HYDIN: variants seen among roughly 807,000 people sequenced by gnomAD.
HYDIN encodes HYDIN axonemal central pair apparatus protein.
HYDIN carries 132 observed loss-of-function variants against 403.9 expected under a neutral mutation model. The observed-to-expected ratio is 0.33, with a 90% confidence interval of 0.28 to 0.38. The LOEUF (loss-of-function observed/expected upper bound fraction) is 0.38, where lower values mean the gene tolerates loss of function less well. HYDIN is among the 10% of genes least tolerant of loss of function. The pLI is 1.00. For synonymous variants in HYDIN, 1,202 were observed against 1,891.7 expected, an observed-to-expected ratio of 0.64 and a Z score of 9.46; for missense variants, 2,827 against 5,009.5, an observed-to-expected ratio of 0.56 and a Z score of 13.15.
intron 7 of HYDIN, among the ~76,000 whole-genome samples, chr16:71,137,713 C>A (rs976016954): frequency 2.6e-5 from 4 of 152,204 alleles, no homozygotes; most frequent in South Asian, 4.2e-4. Flanking sequence ...TTAGCTCATG[C>A]ATGAGCTTGA....
intron 23 of HYDIN, among the ~76,000 whole-genome samples, chr16:71,010,646 A>AT (rs910123166): frequency 6.6e-6 from 1 of 152,134 alleles, no homozygotes; most frequent in African/African-American, 2.4e-5. Context: ...GCAGGGTCAC[A>AT]TGGGGCAGGT....
Position 71,151,048 on chromosome 16 carries a change from G to A in HYDIN, c.841+1611C>T, listed in dbSNP as rs1303945208. 5.9e-5 allele frequency among the ~76,000 whole-genome samples: 9 copies of A among 152,258 alleles called. No individual in the cohort carries two copies. The East Asian group carries it at 1.7e-3, about 29-fold the overall frequency. On this transcript the variant is annotated intron_variant, in intron 7 of 85. Transcript: ENST00000393567. Reference sequence around the variant, plus strand: ...AATTGACAAAACAGCACTACATGTTGGTGAGGATGTGAAGCAACTAGAACT... The same window carrying A: ...AATTGACAAAACAGCACTACATGTTAGTGAGGATGTGAAGCAACTAGAACT...
chr16:71,205,838 C>T (rs1169208574), intron 1 of HYDIN, among the ~76,000 whole-genome samples: 1 of 152,200 alleles, frequency 6.6e-6, no homozygotes, highest in East Asian at 1.9e-4. Context: ...AAGTGGACAA[C>T]TAAGTAGAGC....
chr16:70,966,045 AC>A (rs1375614646), intron 36 of HYDIN, among the ~76,000 whole-genome samples: 2 of 152,234 alleles, frequency 1.3e-5, no homozygotes, highest in Non-Finnish European at 2.9e-5. Flanking sequence ...CCTGGCTGAT[AC>A]AGGGCACAAA....
At chr16:71,209,744 A>G (rs1180701501) in intron 1 of HYDIN, among the ~76,000 whole-genome samples, 1 of 152,202 alleles carries the variant, frequency 6.6e-6, no homozygotes, top group African/African-American at 2.4e-5. Context: ...CACTAACGGC[A>G]TCCAAGCCAA....
chr16:71,146,121 A>C (rs1348856855), intron 7 of HYDIN, among the ~76,000 whole-genome samples: 1 of 152,196 alleles, frequency 6.6e-6, no homozygotes, highest in Non-Finnish European at 1.5e-5. Flanking sequence ...AAAGAATGAG[A>C]TAAAGATGAA....
At chr16:71,225,555 T>C (rs1468559731) in intron 1 of HYDIN, among the ~76,000 whole-genome samples, 1 of 152,232 alleles carries the variant, frequency 6.6e-6, no homozygotes, top group Non-Finnish European at 1.5e-5. Context: ...CTGGACAGTT[T>C]GGGGCACTCC....
intron 46 of HYDIN, among the ~76,000 whole-genome samples, chr16:70,919,428 C>T (rs958511093): frequency 2.7e-4 from 41 of 152,046 alleles, no homozygotes; most frequent in Non-Finnish European, 5.4e-4. Context: ...CAGTCCTTCC[C>T]GCCTGTGGTG....
chr16:71,014,508 G>C (rs1029023485), intron 23 of HYDIN, among the ~76,000 whole-genome samples: 1 of 151,786 alleles, frequency 6.6e-6, no homozygotes, highest in Non-Finnish European at 1.5e-5. Context: ...CATGTGACCA[G>C]GTCAACCATG....
intron 57 of HYDIN, among the ~76,000 whole-genome samples, chr16:70,890,190 C>A (rs1369124308): frequency 1.3e-5 from 2 of 152,098 alleles, no homozygotes; most frequent in African/African-American, 4.8e-5. Context: ...CTAGTTTATC[C>A]AATAATTAGT....
At chr16:71,135,332 A>T (rs2084875697) in intron 8 of HYDIN, among the ~76,000 whole-genome samples, 1 of 150,902 alleles carries the variant, frequency 6.6e-6, no homozygotes, top group Non-Finnish European at 1.5e-5. Flanking sequence ...ATCAATGCCC[A>T]TCCACTGTGG....
intron 41 of HYDIN, among the ~76,000 whole-genome samples, chr16:70,950,124 C>T (rs1192181087): frequency 2.0e-5 from 3 of 146,906 alleles, no homozygotes; most frequent in African/African-American, 7.5e-5. Flanking sequence ...CAAGTTCAGC[C>T]CTGTGGGCTG....
In HYDIN at chr16:70,810,872, G is replaced by T. The variant is rs148025053; in HGVS notation, c.14659-865C>A. On this transcript the variant is annotated intron_variant, in intron 84 of 85. Coordinates refer to ENST00000393567, the MANE Select transcript of HYDIN (RefSeq NM_001270974.2). ...GGTGTAGAGCAATACACATCGAAATGAAAGGTGTTGATGTTGATGATATTT... is the reference window on the plus strand; with the variant it reads ...GGTGTAGAGCAATACACATCGAAATTAAAGGTGTTGATGTTGATGATATTT... Among the ~76,000 whole-genome samples, 8 of 152,128 alleles carry T rather than the reference G, an allele frequency of 5.3e-5. No homozygotes were observed. The East Asian group carries it at 1.6e-3, about 30-fold the overall frequency.
chr16:70,922,637 C>T (rs1049890787), intron 45 of HYDIN, among the ~76,000 whole-genome samples: 4 of 151,544 alleles, frequency 2.6e-5, no homozygotes, highest in Admixed American at 2.6e-4. Flanking sequence ...AGAAAATATA[C>T]TTGGAAATAA....
intron 75 of HYDIN, among the ~76,000 whole-genome samples, chr16:70,848,620 G>A (rs12935601): frequency 0.1 from 11,138 of 107,772 alleles, 775 homozygotes; most frequent in African/African-American, 0.17. Flanking sequence ...TCCCTTAAAT[G>A]CCTGGAACCA....
intron 8 of HYDIN, among the ~76,000 whole-genome samples, chr16:71,130,140 C>A (rs960882247): frequency 1.3e-5 from 2 of 152,270 alleles, no homozygotes; most frequent in Admixed American, 6.5e-5. Context: ...GTTTTCCAGG[C>A]TGCTTTTTAA....
rs182102887 is a variant in HYDIN at position 71,059,209 on chromosome 16, A to G, written c.2529+1295T>C. On this transcript the variant is annotated intron_variant, in intron 18 of 85. Transcript: ENST00000393567. ...AGTTTCTTTTAGAATCTTTGTCATA[A>G]AATCTTTGCTAGGGTCCATGTGCAG... Among the ~76,000 whole-genome samples, 245 of 152,208 alleles carry G rather than the reference A, an allele frequency of 1.6e-3. 1 individual carries two copies. The highest frequency in any genetic ancestry group is 5.5e-3 in the African/African-American group (228 of 41,536).
intron 41 of HYDIN, among the ~76,000 whole-genome samples, chr16:70,944,985 T>G (rs1455207903): frequency 2.0e-5 from 3 of 152,228 alleles, no homozygotes; most frequent in African/African-American, 7.2e-5. Flanking sequence ...ACTCCTGACC[T>G]CAGGTGATCT....
chr16:70,964,461 A>G (rs2078511888), intron 37 of HYDIN, among the ~76,000 whole-genome samples: 1 of 151,880 alleles, frequency 6.6e-6, no homozygotes, highest in Non-Finnish European at 1.5e-5. Context: ...GGCATCCAGC[A>G]AGTGTTCTTC....
Sources: allele counts gnomAD v4.1 joint callset (sites outside exome capture counted in the v4.1 genomes callset), GRCh38; gene constraint gnomAD v4.1.1; transcripts MANE v1.5; gene names NCBI Gene and HGNC (gene_info 2026-07-23, HGNC 2026-07-21).